The following AVIL variants were observed in gnomAD, a reference collection of about 807,000 sequenced individuals.
The protein encoded by AVIL is advillin.
AVIL carries 78 observed loss-of-function variants against 109.9 expected under a neutral mutation model. The observed-to-expected ratio is 0.71, with a 90% CI of 0.59 to 0.86. AVIL has a LOEUF of 0.86. Ranked by LOEUF, AVIL falls within the 40% of genes least tolerant of loss-of-function variation. The probability of loss-of-function intolerance (pLI) is 0.00; values close to 1 mark genes in which losing one functional copy is unlikely to be tolerated. For missense variants in AVIL, 892 were observed against 1,016.5 expected, an observed-to-expected ratio of 0.88 and a Z score of 1.67; for synonymous variants, 367 against 379.1, an observed-to-expected ratio of 0.97 and a Z score of 0.37.
chr12:57,810,989 G>C, intron 5 of AVIL, 30 bp downstream of exon 5: 1 of 1,613,950 alleles, frequency 6.2e-7, no homozygotes, highest in Non-Finnish European at 8.5e-7. Flanking sequence ...AGAAGCCCCG[G>C]GCCTGGGGCA....
Position 57,810,846 on chromosome 12 carries a change from G to C in AVIL, c.528C>G (p.Gly176=). ...DLGKVIIQWN[G]PESNSGERLK... ...GGCGCTCCCCACTGTTGCTCTCTGG[G>C]CCATTCCATTGGATGATGACTTTCC... Residue 176 remains glycine, a synonymous_variant, in exon 6 of 20, where the codon GGC becomes GGG. Transcript: ENST00000549994. 6.2e-7 allele frequency: 1 copy of C among 1,614,192 alleles called. No individual in the cohort carries two copies. The highest frequency in any genetic ancestry group is 8.5e-7 in the Non-Finnish European group (1 of 1,180,030).
At chr12:57,813,501 G>T in intron 3 of AVIL, 78 bp from the exon 4 acceptor site, 1 of 1,414,114 alleles carries the variant, frequency 7.1e-7, no homozygotes, top group African/African-American at 1.4e-5. Context: ...TGGGGAGAAT[G>T]CAGCACATGT....
In AVIL at chr12:57,810,522, G is replaced by C. The variant is rs765294489; in HGVS notation, c.588C>G (p.Asp196Glu). The C allele has an allele frequency of 9.3e-6, 15 of 1,613,926 alleles. No individual in the cohort carries two copies. Among genetic ancestry groups the C allele is most frequent in the Non-Finnish European group, 1.3e-5 (15 of 1,180,036 alleles). ...TTTTAGCACGGCCCCCTCGCTCCCT[G>C]TCTCGAATATCCTTTGCCAGAAGCA... ...KAMLLAKDIR[D>E]RERGGRAKIG... Residue 196 changes from aspartate to glutamate, a missense_variant, in exon 7 of 20, where the codon GAC becomes GAG. Coordinates refer to ENST00000549994, the MANE Select transcript of AVIL (RefSeq NM_006576.4).
rs1491115933 is a variant in AVIL at position 57,811,117 on chromosome 12, CCT to C, written c.347_348del (p.Gln116ArgfsTer45). The part of the protein sequence containing the change: ...GYFKQGIIYK[Q>X]GGVASGMKHV... ...TGCTTCATCCCAGAGGCGACACCCC[CCT>C]GCTTGTAGCTAAGGGAACATCCATT... On this transcript the variant is annotated frameshift_variant, in exon 5 of 20. Coordinates refer to ENST00000549994, the MANE Select transcript of AVIL (RefSeq NM_006576.4). LOFTEE classifies it high-confidence loss of function. 1 of 1,614,016 alleles carries C rather than the reference CCT, an allele frequency of 6.2e-7. No individual in the cohort carries two copies. The highest frequency in any genetic ancestry group is 8.5e-7 in the Non-Finnish European group (1 of 1,180,000).
chr12:57,808,667 G>T, intron 9 of AVIL, 119 bp from the exon 10 acceptor site: 1 of 1,228,006 alleles, frequency 8.1e-7, no homozygotes, highest in Non-Finnish European at 1.1e-6. Context: ...CTGGGAGTCA[G>T]AGTCAAATTC....
chr12:57,801,350 T>C (rs1955844205), intron 17 of AVIL, 138 bp from the exon 18 acceptor site: 1 of 654,338 alleles, frequency 1.5e-6, no homozygotes, highest in African/African-American at 1.8e-5. Context: ...AAAATGAAAA[T>C]CCCCCCTTTT....
chr12:57,803,804 A>G, intron 14 of AVIL, 135 bp from the exon 15 acceptor site: 1 of 1,259,474 alleles, frequency 7.9e-7, no homozygotes, highest in South Asian at 1.5e-5. Context: ...CTGGGAAGAC[A>G]GACAAGTTTG....
chr12:57,810,101 A>G (rs1393341634), intron 7 of AVIL, among the ~76,000 whole-genome samples: 2 of 152,122 alleles, frequency 1.3e-5, no homozygotes, highest in African/African-American at 4.8e-5. Context: ...TATCCCTTCC[A>G]CATCCCTGGG....
chr12:57,813,545 T>A, intron 3 of AVIL, 122 bp from the exon 4 acceptor site: 1 of 968,182 alleles, frequency 1.0e-6, no homozygotes, highest in Non-Finnish European at 1.5e-6. Context: ...CCCTCTCTCC[T>A]GCAGTGGATG....
In AVIL at chr12:57,810,798, A is replaced by T. The variant is rs1461597933; in HGVS notation, c.558+18T>A. Reference sequence around the variant, plus strand: ...AGAAAGAGGAACTTGAGAAAGTGCTAAGGCTAGGAAGCCATACCTTCAGGC... The same window carrying T: ...AGAAAGAGGAACTTGAGAAAGTGCTTAGGCTAGGAAGCCATACCTTCAGGC... On this transcript the variant is annotated intron_variant, in intron 6 of 19. Transcript: ENST00000549994. The T allele has an allele frequency of 6.2e-7, 1 of 1,609,150 alleles. No individual in the cohort carries two copies. The highest frequency in any genetic ancestry group is 1.3e-5 in the African/African-American group (1 of 74,952).
At chr12:57,803,756 G>C in intron 14 of AVIL, 87 bp from the exon 15 acceptor site, 3 of 1,522,596 alleles carry the variant, frequency 2.0e-6, no homozygotes, top group Non-Finnish European at 1.8e-6. Context: ...TAATAACTCA[G>C]TGTGCCAGGA....
chr12:57,799,941 G>A, intron 18 of AVIL, 21 bp from the exon 19 acceptor site: 1 of 1,613,806 alleles, frequency 6.2e-7, no homozygotes, highest in South Asian at 1.1e-5. Flanking sequence ...TAAGAATGTA[G>A]GCACAGGGAA....
At chr12:57,816,434 T>C (rs972819626) in intron 1 of AVIL, 5 of 175,628 alleles carry the variant, frequency 2.8e-5, no homozygotes, top group African/African-American at 1.2e-4. Context: ...GAATCTGAGG[T>C]TTGCAAAGGC....
chr12:57,813,495 G>T, intron 3 of AVIL, 72 bp from the exon 4 acceptor site: 2 of 1,459,152 alleles, frequency 1.4e-6, no homozygotes, highest in East Asian at 2.3e-5. Context: ...CTGTTATGGG[G>T]AGAATGCAGC....
chr12:57,806,132 GC>G, intron 14 of AVIL: 1 of 295,720 alleles, frequency 3.4e-6, no homozygotes, highest in Admixed American at 8.0e-5. Flanking sequence ...ACCGTGCCCA[GC>G]TTTTTTTTTT....
In AVIL at chr12:57,811,054, G is replaced by C; in HGVS notation, c.412C>G (p.His138Asp). 5.6e-6 allele frequency: 9 copies of C among 1,614,178 alleles called. No individual in the cohort carries two copies. The highest frequency in any genetic ancestry group is 7.6e-6 in the Non-Finnish European group (9 of 1,180,032). The stretch of plus-strand genomic sequence containing the variant: ...CTGATGTTTCTTTTCCCTTTCACAT[G>C]TAGCAGCCGCTTCACGTCGTAGGTA... ...TNTYDVKRLL[H>D]VKGKRNIRAT... Residue 138 changes from histidine to aspartate, a missense_variant, in exon 5 of 20, where the codon CAT (histidine) becomes GAT (aspartate). Physicochemically the swap from His to Asp is moderately conservative, Grantham distance 81. Coordinates refer to ENST00000549994, the MANE Select transcript of AVIL (RefSeq NM_006576.4).
chr12:57,801,111 G>C (rs1955837904), intron 18 of AVIL, 33 bp downstream of exon 18: 1 of 1,595,482 alleles, frequency 6.3e-7, no homozygotes, highest in Non-Finnish European at 8.6e-7. Flanking sequence ...TTGCCCATGT[G>C]GCTGGCTTCT....
intron 17 of AVIL, 84 bp downstream of exon 17, chr12:57,802,076 G>T: frequency 6.8e-7 from 1 of 1,463,426 alleles, no homozygotes; most frequent in South Asian, 1.3e-5. Context: ...ACTGAGCCGT[G>T]AATCAGTACT....
Position 57,797,854 on chromosome 12 carries a change from C to T in AVIL, c.*28G>A. 6.6e-7 allele frequency: 1 copy of T among 1,509,438 alleles called. No individual in the cohort carries two copies. Among genetic ancestry groups the T allele is most frequent in the South Asian group, 1.3e-5 (1 of 79,982 alleles). 93.5% of individuals were successfully genotyped at this position (1,509,438 alleles called of 1,614,324 possible). A position where few individuals can be genotyped will look rare whatever the true frequency, so the allele number is the denominator to read the frequency against. ...TGGCACTATCTGCTCTTTTCTGTGG[C>T]CTTGCAATAGGTATAGGCCTTCTTG... On this transcript the variant is annotated 3_prime_UTR_variant, in exon 20 of 20. Coordinates refer to ENST00000549994, the MANE Select transcript of AVIL (RefSeq NM_006576.4).
Sources: gnomAD v4.1 joint callset for allele counts (sites outside exome capture counted in the v4.1 genomes callset) on GRCh38, gnomAD v4.1.1 for gene constraint, MANE v1.5 for transcripts, NCBI Gene and HGNC (gene_info 2026-07-23, HGNC 2026-07-21) for gene names.